The following MCU variants were observed in gnomAD, a reference collection of about 807,000 sequenced individuals.
MCU encodes the protein mitochondrial calcium uniporter, also known as calcium uniporter protein, mitochondrial.
Under a neutral mutation model 45.2 loss-of-function variants are expected in MCU, and 12 were observed. That is an observed-to-expected ratio of 0.27 (90% CI 0.17 to 0.43). The LOEUF is 0.43. Among genes scored for constraint, MCU ranks in the 20% least tolerant of loss-of-function variants. The probability of loss-of-function intolerance (pLI) is 1.00; values close to 1 mark genes in which losing one functional copy is unlikely to be tolerated. For missense variants in MCU, 324 were observed against 436.7 expected, an observed-to-expected ratio of 0.74 and a Z score of 2.30; for synonymous variants, 160 against 165.1, an observed-to-expected ratio of 0.97 and a Z score of 0.24.
At chr10:72,713,643 A>G (rs1230038035) in intron 1 of MCU, among the ~76,000 whole-genome samples, 11 of 152,136 alleles carry the variant, frequency 7.2e-5, no homozygotes, top group Non-Finnish European at 1.5e-4. Context: ...TGGTATGTGA[A>G]AGGGCCTTTT....
chr10:72,702,987 A>G (rs1291523282), intron 1 of MCU, among the ~76,000 whole-genome samples: 1 of 74,790 alleles, frequency 1.3e-5, no homozygotes, highest in East Asian at 2.1e-4. Context: ...TCAAAAAAAG[A>G]AAAAAAAAAA....
intron 1 of MCU, among the ~76,000 whole-genome samples, chr10:72,729,158 T>TA (rs1843138210): frequency 6.6e-6 from 1 of 152,148 alleles, no homozygotes; most frequent in African/African-American, 2.4e-5. Flanking sequence ...CATTATATAG[T>TA]AAAGTGATAG....
chr10:72,805,175 C>CCT (rs1564562364), intron 1 of MCU, among the ~76,000 whole-genome samples: 8 of 126,576 alleles, frequency 6.3e-5, no homozygotes, highest in African/African-American at 3.3e-4. Context: ...CTCTCTCTCT[C>CCT]TCTTTCCTTC....
intron 1 of MCU, among the ~76,000 whole-genome samples, chr10:72,769,309 C>T (rs1843772597): frequency 6.6e-6 from 1 of 152,158 alleles, no homozygotes; most frequent in Admixed American, 6.5e-5. Context: ...TTCTTGCTCA[C>T]ACAAACAATG....
At chr10:72,780,859 G>T (rs1422073098) in intron 1 of MCU, among the ~76,000 whole-genome samples, 1 of 152,070 alleles carries the variant, frequency 6.6e-6, no homozygotes, top group African/African-American at 2.4e-5. Context: ...GATGGGAAAG[G>T]ACTCTTAAAG....
intron 1 of MCU, among the ~76,000 whole-genome samples, chr10:72,784,000 C>T (rs1844034577): frequency 6.6e-6 from 1 of 152,198 alleles, no homozygotes; most frequent in Non-Finnish European, 1.5e-5. Flanking sequence ...TACCCAGTTA[C>T]TTTACCTTTT....
At chr10:72,734,108 C>T (rs530481292) in intron 1 of MCU, among the ~76,000 whole-genome samples, 4 of 152,100 alleles carry the variant, frequency 2.6e-5, no homozygotes, top group Middle Eastern at 3.4e-3. Context: ...TGATTGGGTG[C>T]GTTTGCTCAC....
At chr10:72,841,600 A>C (rs886782966) in intron 2 of MCU, among the ~76,000 whole-genome samples, 22 of 152,102 alleles carry the variant, frequency 1.4e-4, no homozygotes, top group Non-Finnish European at 2.5e-4. Context: ...GCCTGACCCC[A>C]AAAAAATTTT....
intron 1 of MCU, among the ~76,000 whole-genome samples, chr10:72,728,789 AATT>A (rs1843133386): frequency 6.6e-6 from 1 of 152,184 alleles, no homozygotes; most frequent in Non-Finnish European, 1.5e-5. Context: ...GTAGGGATGA[AATT>A]ATATGTATAT....
chr10:72,840,153 C>T (rs918427833), intron 2 of MCU, among the ~76,000 whole-genome samples: 1 of 152,054 alleles, frequency 6.6e-6, no homozygotes, highest in African/African-American at 2.4e-5. Context: ...ACATTCCCAC[C>T]AGCAGTACAT....
chr10:72,849,052 G>A (rs779177162), intron 2 of MCU, among the ~76,000 whole-genome samples: 1 of 151,868 alleles, frequency 6.6e-6, no homozygotes, highest in Non-Finnish European at 1.5e-5. Context: ...AGGCCGAGAC[G>A]GGTGGATCAC....
chr10:72,799,960 T>C (rs1314815300), intron 1 of MCU, among the ~76,000 whole-genome samples: 1 of 152,188 alleles, frequency 6.6e-6, no homozygotes, highest in Non-Finnish European at 1.5e-5. Flanking sequence ...TCTTGACAAA[T>C]ACAAGTTCAG....
intron 4 of MCU, among the ~76,000 whole-genome samples, chr10:72,866,597 A>G (rs368325335): frequency 7.9e-5 from 12 of 152,076 alleles, no homozygotes; most frequent in African/African-American, 1.7e-4. Context: ...GGGTTTCATC[A>G]TGTTGGCCGA....
chr10:72,870,577 C>T (rs960233028), intron 5 of MCU, among the ~76,000 whole-genome samples: 2 of 152,168 alleles, frequency 1.3e-5, no homozygotes, highest in African/African-American at 4.8e-5. Context: ...CCACCGCGCC[C>T]AGCTTTACCT....
chr10:72,695,388 T>C (rs1842673314), intron 1 of MCU, among the ~76,000 whole-genome samples: 3 of 152,246 alleles, frequency 2.0e-5, no homozygotes, highest in Admixed American at 2.0e-4. Context: ...AACTCTTTAA[T>C]TGAGTTCCTC....
chr10:72,886,046 A>T lies in MCU; in HGVS notation c.*224A>T. 2.2e-6 allele frequency: 1 copy of T among 458,016 alleles called. No homozygotes were observed. 28.4% of individuals were successfully genotyped at this position (458,016 alleles called of 1,614,324 possible). A position where few individuals can be genotyped will look rare whatever the true frequency, so the allele number is the denominator to read the frequency against. On this transcript the variant is annotated 3_prime_UTR_variant, in exon 8 of 8. Transcript: ENST00000373053. ...GGCTTAGTGAATATTGTCTTAACCA[A>T]GTATCTCAGTTTCTGGATGAAAATG...
At chr10:72,832,506 G>T (rs1259563568) in intron 1 of MCU, among the ~76,000 whole-genome samples, 1 of 152,042 alleles carries the variant, frequency 6.6e-6, no homozygotes, top group Non-Finnish European at 1.5e-5. Flanking sequence ...ACCATTACAT[G>T]AGGAAAAAAG....
rs574810624 is a variant in MCU at position 72,722,934 on chromosome 10, C to T, written c.150+30633C>T. Among the ~76,000 whole-genome samples, 15 of 152,132 alleles carry T rather than the reference C, an allele frequency of 9.9e-5. No individual in the cohort carries two copies. In the South Asian group the frequency reaches 1.5e-3, roughly 15 times the overall value. On this transcript the variant is annotated intron_variant, in intron 1 of 7. Coordinates refer to ENST00000373053, the MANE Select transcript of MCU (RefSeq NM_138357.3). ...ATTTTTGGCTGGGTGTGGTGGCTCA[C>T]GCCTGTAATCCCAGCACTTTGGGAG...
intron 1 of MCU, among the ~76,000 whole-genome samples, chr10:72,714,343 G>GTTTTTTTTTTTTTTTTTTTTTT (rs1479850646): frequency 2.0e-5 from 1 of 49,486 alleles, no homozygotes; most frequent in Non-Finnish European, 5.6e-5. Flanking sequence ...CCCCGCCCTG[G>GTTTTTTTTTTTTTTTTTTTTTT]TCTTTTTTTT....
Sources: allele counts gnomAD v4.1 joint callset (sites outside exome capture counted in the v4.1 genomes callset), GRCh38; gene constraint gnomAD v4.1.1; transcripts MANE v1.5; gene names NCBI Gene and HGNC (gene_info 2026-07-23, HGNC 2026-07-21).